The following RNF7 variants were observed in gnomAD, a reference collection of about 807,000 sequenced individuals.
RNF7 encodes RING-box protein 2.
Under a neutral mutation model 17.0 loss-of-function variants are expected in RNF7, and 9 were observed. That is an observed-to-expected ratio of 0.53 (90% CI 0.32 to 0.92). RNF7 has a LOEUF of 0.92. RNF7 is among the 40% of genes least tolerant of loss of function. RNF7 has a pLI of 0.04. For synonymous variants in RNF7, 59 were observed against 50.5 expected, an observed-to-expected ratio of 1.17 and a Z score of -0.72; for missense variants, 87 against 145.8, an observed-to-expected ratio of 0.60 and a Z score of 2.08.
chr3:141,747,126 C>T lies in RNF7; in HGVS notation c.*1849C>T, dbSNP rs2084482266. ...TTTCCACACAGCAAAACCACAGTCC[C>T]GCCACCTAACAAAGCCCTGTTTATG... is the stretch of plus-strand genomic sequence containing the variant. On this transcript the variant is annotated 3_prime_UTR_variant, in exon 3 of 3. Transcript: ENST00000273480. 1 of 152,180 alleles carries T rather than the reference C, an allele frequency of 6.6e-6. No homozygotes were observed. 9.4% of individuals were successfully genotyped at this position (152,180 alleles called of 1,614,324 possible). A position where few individuals can be genotyped will look rare whatever the true frequency, so the allele number is the denominator to read the frequency against.
chr3:141,744,780 G>T (rs1487365653), intron 2 of RNF7, among the ~76,000 whole-genome samples: 1 of 152,150 alleles, frequency 6.6e-6, no homozygotes, highest in African/African-American at 2.4e-5. Flanking sequence ...AATAAAAATT[G>T]GAAGGACATT....
At position 141,740,370 on chromosome 3, in the gene RNF7, A is replaced by G. The variant is rs73870349; in HGVS notation, c.175+1854A>G. Among the ~76,000 whole-genome samples the G allele has an allele frequency of 4.7e-3, 720 of 152,344 alleles. 2 individuals carry two copies. The highest frequency in any genetic ancestry group is 0.017 in the African/African-American group (697 of 41,582). Reference sequence around the variant, plus strand: ...ACATTTAAAGAGTAAGTGGAAATGTATAACCTGAAATAATGATTGAAACTT... The same window carrying G: ...ACATTTAAAGAGTAAGTGGAAATGTGTAACCTGAAATAATGATTGAAACTT... On this transcript the variant is annotated intron_variant, in intron 1 of 2. Transcript: ENST00000273480.
intron 2 of RNF7, among the ~76,000 whole-genome samples, chr3:141,744,302 C>G (rs1236176919): frequency 1.3e-5 from 2 of 152,110 alleles, no homozygotes; most frequent in East Asian, 1.9e-4. Flanking sequence ...CTTCCTACCC[C>G]CTGTAGCCAA....
In RNF7 at chr3:141,747,182, C is replaced by G. The variant is rs1009997483; in HGVS notation, c.*1905C>G. The G allele has an allele frequency of 2.6e-5, 4 of 152,260 alleles. No homozygotes were observed. The highest frequency in any genetic ancestry group is 5.9e-5 in the Non-Finnish European group (4 of 68,064). The allele number at this position is 152,260 out of a possible 1,614,324, so 9.4% of individuals were successfully genotyped here. On this transcript the variant is annotated 3_prime_UTR_variant, in exon 3 of 3. Coordinates refer to ENST00000273480, the MANE Select transcript of RNF7 (RefSeq NM_014245.5). ...CACCAGCATCTGAGGGAAGAGGAGG[C>G]ACTGTGACAAAGCAGCGCTGATGCT...
chr3:141,741,691 T>C (rs551277908), intron 1 of RNF7, among the ~76,000 whole-genome samples: 2 of 152,194 alleles, frequency 1.3e-5, no homozygotes, highest in Admixed American at 6.5e-5. Context: ...CTGATAGTAT[T>C]CCAGATTGAA....
intron 2 of RNF7, among the ~76,000 whole-genome samples, chr3:141,744,270 C>T (rs189464539): frequency 7.9e-5 from 12 of 152,248 alleles, no homozygotes; most frequent in Admixed American, 2.6e-4. Context: ...CCTCCTGAAA[C>T]GCTTAGAATG....
intron 1 of RNF7, among the ~76,000 whole-genome samples, chr3:141,741,410 A>G (rs138261482): frequency 3.3e-5 from 5 of 152,324 alleles, no homozygotes; most frequent in Admixed American, 3.3e-4. Context: ...TTTAATCCAC[A>G]CTGAAGAGAC....
At position 141,745,316 on chromosome 3, in the gene RNF7, C is replaced by T; in HGVS notation, c.*39C>T. On this transcript the variant is annotated 3_prime_UTR_variant, in exon 3 of 3. Coordinates refer to ENST00000273480, the MANE Select transcript of RNF7 (RefSeq NM_014245.5). ...GCTTCTTAGCGCAGTTGTTCAGAGCCCTGGTGGATCTTGTAATCCAGTGCC... is the reference window on the plus strand; with the variant it reads ...GCTTCTTAGCGCAGTTGTTCAGAGCTCTGGTGGATCTTGTAATCCAGTGCC... The T allele has an allele frequency of 7.4e-7, 1 of 1,358,394 alleles. No individual in the cohort carries two copies. The highest frequency in any genetic ancestry group is 1.4e-5 in the African/African-American group (1 of 69,574). The allele number at this position is 1,358,394 out of a possible 1,614,324, so 84.1% of individuals were successfully genotyped here.
chr3:141,738,404 C>G lies in RNF7; in HGVS notation c.63C>G (p.Gly21=). ...CALASHSGSS[G]SKSGGDKMFS... ...TGGCCTCTCACTCCGGGAGCTCAGGCTCCAAGTCGGGAGGCGACAAGATGT... is the reference window on the plus strand; with the variant it reads ...TGGCCTCTCACTCCGGGAGCTCAGGGTCCAAGTCGGGAGGCGACAAGATGT... Residue 21 remains glycine (G), a synonymous_variant, in exon 1 of 3, where the codon GGC becomes GGG. Coordinates refer to ENST00000273480, the MANE Select transcript of RNF7 (RefSeq NM_014245.5). 6.2e-7 allele frequency: 1 copy of G among 1,607,168 alleles called. No individual in the cohort carries two copies. The highest frequency in any genetic ancestry group is 8.5e-7 in the Non-Finnish European group (1 of 1,176,928).
rs201440306 is a variant in RNF7 at position 141,738,318 on chromosome 3, C to T, written c.-24C>T. On this transcript the variant is annotated 5_prime_UTR_variant, in exon 1 of 3. Coordinates refer to ENST00000273480, the MANE Select transcript of RNF7 (RefSeq NM_014245.5). ...TCCGCCTTCCCCAAGCCAACGTCTC[C>T]GCCGTCGGCTCCGCGGCGCCGCCAT... 1.3e-6 allele frequency: 2 copies of T among 1,543,866 alleles called. No homozygotes were observed. Among genetic ancestry groups the T allele is most frequent in the Non-Finnish European group, 1.7e-6 (2 of 1,142,988 alleles).
chr3:141,743,172 C>T (rs2084438596), intron 1 of RNF7: 1 of 236,466 alleles, frequency 4.2e-6, no homozygotes, highest in Non-Finnish European at 8.2e-6. Flanking sequence ...ATAAACTGTC[C>T]ATGAGCATGC....
Position 141,745,360 on chromosome 3 carries a change from T to A in RNF7, c.*83T>A. 1.2e-6 allele frequency: 1 copy of A among 805,902 alleles called. No homozygotes were observed. Among genetic ancestry groups the A allele is most frequent in the Non-Finnish European group, 2.0e-6 (1 of 493,946 alleles). 49.9% of individuals were successfully genotyped at this position (805,902 alleles called of 1,614,324 possible). A position where few individuals can be genotyped will look rare whatever the true frequency, so the allele number is the denominator to read the frequency against. On this transcript the variant is annotated 3_prime_UTR_variant, in exon 3 of 3. Coordinates refer to ENST00000273480, the MANE Select transcript of RNF7 (RefSeq NM_014245.5). ...CAGTGCCCTACAAAGGCTAGAACAC[T>A]ACAGGGGATGAATTCTTCAAATAGG...
chr3:141,738,380 G>A lies in RNF7; in HGVS notation c.39G>A (p.Leu13=). 1 of 1,596,202 alleles carries A rather than the reference G, an allele frequency of 6.3e-7. No homozygotes were observed. The highest frequency in any genetic ancestry group is 1.7e-5 in the Admixed American group (1 of 57,364). Residue 13 remains leucine (L), a synonymous_variant, in exon 1 of 3, where the codon CTG becomes CTA. Transcript: ENST00000273480. ...AAGACGGAGAGGAAACCTGCGCCCTGGCCTCTCACTCCGGGAGCTCAGGCT... is the reference window on the plus strand; with the variant it reads ...AAGACGGAGAGGAAACCTGCGCCCTAGCCTCTCACTCCGGGAGCTCAGGCT... The part of the protein sequence containing the change: ...DVEDGEETCA[L]ASHSGSSGSK...
At chr3:141,743,971 A>G (rs1394593855) in intron 2 of RNF7, among the ~76,000 whole-genome samples, 1 of 152,198 alleles carries the variant, frequency 6.6e-6, no homozygotes. Flanking sequence ...GAGTAGAAAA[A>G]TTCTAAGTCT....
chr3:141,742,227 T>C (rs924527181), intron 1 of RNF7, among the ~76,000 whole-genome samples: 9 of 142,800 alleles, frequency 6.3e-5, no homozygotes, highest in Non-Finnish European at 1.4e-4. Flanking sequence ...CATTTTCTTT[T>C]TTTTTTTTTT....
chr3:141,746,918 T>G lies in RNF7; in HGVS notation c.*1641T>G, dbSNP rs990302628. 2 of 152,228 alleles carry G rather than the reference T, an allele frequency of 1.3e-5. No homozygotes were observed. Among genetic ancestry groups the G allele is most frequent in the African/African-American group, 4.8e-5 (2 of 41,464 alleles). The allele number at this position is 152,228 out of a possible 1,614,324, so 9.4% of individuals were successfully genotyped here. A position where few individuals can be genotyped will look rare whatever the true frequency, so the allele number is the denominator to read the frequency against. ...CAAATATCTTTGGCCATTTAAATGT[T>G]TATCATTGTGCAGTGAACTGTTTTA... On this transcript the variant is annotated 3_prime_UTR_variant, in exon 3 of 3. Transcript: ENST00000273480.
At chr3:141,740,096 C>G (rs533642473) in intron 1 of RNF7, among the ~76,000 whole-genome samples, 1 of 151,934 alleles carries the variant, frequency 6.6e-6, no homozygotes, top group East Asian at 1.9e-4. Context: ...GCCAGCAATA[C>G]AGCTGCCCCT....
At chr3:141,744,926 A>G (rs1290162664) in intron 2 of RNF7, among the ~76,000 whole-genome samples, 1 of 152,172 alleles carries the variant, frequency 6.6e-6, no homozygotes, top group Admixed American at 6.5e-5. Context: ...AGGGGTCATC[A>G]CATCACCCAT....
chr3:141,738,387 C>A lies in RNF7; in HGVS notation c.46C>A (p.His16Asn). The change falls in exon 1 of 3, where the codon CAC (histidine) becomes AAC (asparagine). Residue 16 changes from histidine (H) to asparagine (N), a missense_variant. His to Asn is a moderately conservative substitution (Grantham distance 68). This residue lies in a region of RNF7 where 51 missense variants were observed against 41.0 expected (regional missense o/e 1.24). Coordinates refer to ENST00000273480, the MANE Select transcript of RNF7 (RefSeq NM_014245.5). ...AGAGGAAACCTGCGCCCTGGCCTCTCACTCCGGGAGCTCAGGCTCCAAGTC... is the reference window on the plus strand; with the variant it reads ...AGAGGAAACCTGCGCCCTGGCCTCTAACTCCGGGAGCTCAGGCTCCAAGTC... ...DGEETCALAS[H>N]SGSSGSKSGG... 6.2e-7 allele frequency: 1 copy of A among 1,600,478 alleles called. No individual in the cohort carries two copies.
Sources: gnomAD v4.1 joint callset for allele counts (sites outside exome capture counted in the v4.1 genomes callset) on GRCh38, gnomAD v4.1.1 for gene constraint, gnomAD v4.1.1 regional missense constraint, MANE v1.5 for transcripts, NCBI Gene and HGNC (gene_info 2026-07-23, HGNC 2026-07-21) for gene names.